Variants in CACHD1 observed in about 807,000 individuals in gnomAD.
The protein encoded by CACHD1 is cache domain containing 1.
CACHD1 carries 71 observed loss-of-function variants against 138.7 expected under a neutral mutation model. The observed-to-expected ratio is 0.51, with a 90% confidence interval of 0.42 to 0.62. The LOEUF (loss-of-function observed/expected upper bound fraction) is 0.62. CACHD1 is among the 20% of genes least tolerant of loss of function. The pLI is 0.00. For synonymous variants in CACHD1, 578 were observed against 591.5 expected, an observed-to-expected ratio of 0.98 and a Z score of 0.33; for missense variants, 1,389 against 1,625.3, an observed-to-expected ratio of 0.85 and a Z score of 2.50.
chr1:64,655,592 A>C (rs1371279816), intron 12 of CACHD1, among the ~76,000 whole-genome samples: 1 of 152,206 alleles, frequency 6.6e-6, no homozygotes, highest in Admixed American at 6.5e-5. Context: ...GCAGATGGAT[A>C]GTTTGGCCAT....
chr1:64,665,486 C>A (rs934888968), intron 15 of CACHD1, among the ~76,000 whole-genome samples: 3 of 151,494 alleles, frequency 2.0e-5, no homozygotes, highest in African/African-American at 7.3e-5. Flanking sequence ...ACAAAAAAAA[C>A]AACTATACTA....
chr1:64,573,373 C>T (rs749779590), intron 2 of CACHD1, among the ~76,000 whole-genome samples: 24 of 152,208 alleles, frequency 1.6e-4, no homozygotes, highest in Non-Finnish European at 2.9e-4. Flanking sequence ...ACTGAATCTG[C>T]TGTCATCTTG....
chr1:64,597,510 G>GT (rs111369526), intron 3 of CACHD1, among the ~76,000 whole-genome samples: 2,005 of 111,482 alleles, frequency 0.018, 64 homozygotes, highest in African/African-American at 0.067. Flanking sequence ...CCAGAAGGAA[G>GT]TTTTTTTTTT....
chr1:64,658,856 A>G lies in CACHD1; in HGVS notation c.1934A>G (p.Lys645Arg), dbSNP rs1311895452. The G allele has an allele frequency of 3.8e-6, 6 of 1,573,106 alleles. No individual in the cohort carries two copies. The Middle Eastern group carries it at 6.7e-4, about 175-fold the overall frequency. ...CAGCCCAGTGCTTGCCTCCACTTCA[A>G]ACAGCTGGCAACCCTAGGTAAAGCC... ...LGQPSACLHF[K>R]QLATLESPTI... Residue 645 changes from lysine (K) to arginine (R), a missense_variant, in exon 13 of 27, where the codon AAA becomes AGA. By Grantham distance (26) the Lys-to-Arg change is conservative. This residue lies in a region of CACHD1 where 1,000 missense variants were observed against 1,114.7 expected (regional missense o/e 0.90). Coordinates refer to ENST00000651257, the MANE Select transcript of CACHD1 (RefSeq NM_020925.4).
At position 64,470,942 on chromosome 1, in the gene CACHD1, G is replaced by A; in HGVS notation, c.198G>A (p.Gln66=). 6.3e-7 allele frequency: 1 copy of A among 1,599,364 alleles called. No homozygotes were observed. The highest frequency in any genetic ancestry group is 8.5e-7 in the Non-Finnish European group (1 of 1,172,382). The change falls in exon 1 of 27, where the codon CAG becomes CAA. Residue 66 remains glutamine, a splice_region_variant and synonymous_variant. Transcript: ENST00000651257. The surrounding 1 kb of genome is among the most constrained non-coding windows in gnomAD (Gnocchi z 5.2). ...AGGAGCTGGGGGTCGTCACCATGCA[G>A]GTAAGTGGCCCCCGAGCTGGCCAGA... ...AAEELGVVTM[Q]RIFNSFVYTE...
At chr1:64,493,746 C>T (rs898062471) in intron 1 of CACHD1, among the ~76,000 whole-genome samples, 5 of 152,148 alleles carry the variant, frequency 3.3e-5, no homozygotes, top group African/African-American at 1.2e-4. Context: ...TTAAATCCTC[C>T]CTCCTCCCTG....
chr1:64,668,285 C>T (rs1412140923), intron 16 of CACHD1, among the ~76,000 whole-genome samples: 1 of 150,922 alleles, frequency 6.6e-6, no homozygotes, highest in African/African-American at 2.4e-5. Context: ...CGAGATCGTA[C>T]CACTGCACTC....
chr1:64,580,279 TAGA>T (rs1453177211), intron 2 of CACHD1, among the ~76,000 whole-genome samples: 1 of 152,176 alleles, frequency 6.6e-6, no homozygotes, highest in Non-Finnish European at 1.5e-5. Flanking sequence ...AGAATTCAAA[TAGA>T]AGAACAGTTT....
intron 12 of CACHD1, among the ~76,000 whole-genome samples, chr1:64,658,026 C>A (rs1570458322): frequency 6.6e-6 from 1 of 152,222 alleles, no homozygotes; most frequent in East Asian, 1.9e-4. Flanking sequence ...GAAAATACTA[C>A]TGTTTCTACA....
intron 8 of CACHD1, among the ~76,000 whole-genome samples, chr1:64,642,300 A>G (rs1648744799): frequency 6.6e-6 from 1 of 151,872 alleles, no homozygotes; most frequent in East Asian, 1.9e-4. Context: ...AGCTTATCTC[A>G]TTGGTTTAAG....
rs749324997 is a variant in CACHD1, at chr1:64,641,876, G to A, written c.1063G>A (p.Glu355Lys). 5 of 1,367,342 alleles carry A rather than the reference G, an allele frequency of 3.7e-6. No individual in the cohort carries two copies. The East Asian group carries it at 1.2e-4, about 33-fold the overall frequency. 84.7% of individuals were successfully genotyped at this position (1,367,342 alleles called of 1,614,324 possible). A position where few individuals can be genotyped will look rare whatever the true frequency, so the allele number is the denominator to read the frequency against. Residue 355 changes from glutamate to lysine, a missense_variant, in exon 8 of 27, where the codon GAA (glutamate) becomes AAA (lysine). Coordinates refer to ENST00000651257, the MANE Select transcript of CACHD1 (RefSeq NM_020925.4). ...SAGITSKDSS[E>K]EDKKATLQVI... ...TGGCATTACATCAAAGGACTCTTCGGAAGAAGATAAAAAAGCGACTCTCCA... is the reference window on the plus strand; with the variant it reads ...TGGCATTACATCAAAGGACTCTTCGAAAGAAGATAAAAAAGCGACTCTCCA...
At chr1:64,675,638 C>T in intron 20 of CACHD1, 77 bp downstream of exon 20, 2 of 1,487,450 alleles carry the variant, frequency 1.3e-6, no homozygotes, top group Non-Finnish European at 1.8e-6. Flanking sequence ...TTTTGAAGTG[C>T]AAAATAAACA....
intron 1 of CACHD1, among the ~76,000 whole-genome samples, chr1:64,477,629 ATTTTAT>A (rs1646182989): frequency 6.2e-4 from 71 of 114,814 alleles, no homozygotes; most frequent in African/African-American, 2.7e-3. Flanking sequence ...TTATTATTTT[ATTTTAT>A]TTTTTTTTTT....
intron 3 of CACHD1, among the ~76,000 whole-genome samples, chr1:64,598,661 G>A (rs1315967655): frequency 6.6e-6 from 1 of 151,968 alleles, no homozygotes; most frequent in Non-Finnish European, 1.5e-5. Flanking sequence ...ACATGGATAG[G>A]GTTTAGTCAA....
chr1:64,519,854 A>G (rs940856028), intron 1 of CACHD1, among the ~76,000 whole-genome samples: 1 of 152,168 alleles, frequency 6.6e-6, no homozygotes, highest in Non-Finnish European at 1.5e-5. Context: ...GTGAATTTTG[A>G]TAGCTGCCAG....
Position 64,691,372 on chromosome 1 carries a change from C to T in CACHD1, c.3636C>T (p.Asn1212=). 1 of 1,614,134 alleles carries T rather than the reference C, an allele frequency of 6.2e-7. No homozygotes were observed. The highest frequency in any genetic ancestry group is 8.5e-7 in the Non-Finnish European group (1 of 1,180,022). ...AGGACAGTGAAAATCCTCCATGCAA[C>T]AATGACCCCTTGTCAGCCGGGGTCG... ...PQEDSENPPC[N]NDPLSAGVDV... is the part of the protein sequence containing the mutation. Residue 1212 remains asparagine, a synonymous_variant, in exon 27 of 27, where the codon AAC becomes AAT. Coordinates refer to ENST00000651257, the MANE Select transcript of CACHD1 (RefSeq NM_020925.4).
At chr1:64,686,166 C>T (rs1650365033) in intron 26 of CACHD1, among the ~76,000 whole-genome samples, 3 of 152,118 alleles carry the variant, frequency 2.0e-5, no homozygotes, top group Non-Finnish European at 4.4e-5. Context: ...AGGATTGTGG[C>T]GTCATGATTC....
chr1:64,603,922 C>T (rs1011988463), intron 4 of CACHD1, among the ~76,000 whole-genome samples: 1 of 152,178 alleles, frequency 6.6e-6, no homozygotes, highest in Non-Finnish European at 1.5e-5. Context: ...CATCTCCAAT[C>T]CTCAGATTTT....
chr1:64,531,957 G>C (rs1646590727), intron 1 of CACHD1, among the ~76,000 whole-genome samples: 2 of 152,132 alleles, frequency 1.3e-5, no homozygotes, highest in South Asian at 4.1e-4. Context: ...TGAAAGATGA[G>C]AAAGAATGAG....
Sources: allele counts gnomAD v4.1 joint callset (sites outside exome capture counted in the v4.1 genomes callset), GRCh38; gene constraint gnomAD v4.1.1; regional missense constraint gnomAD v4.1.1; non-coding constraint Gnocchi (gnomAD v3.1); transcripts MANE v1.5; gene names NCBI Gene and HGNC (gene_info 2026-07-23, HGNC 2026-07-21).